The following EFNA2 variants were observed in gnomAD, a reference collection of about 807,000 sequenced individuals.
EFNA2 encodes ephrin-A2.
Under a neutral mutation model 19.7 loss-of-function variants are expected in EFNA2, and 18 were observed. That is an observed-to-expected ratio of 0.91 (90% confidence interval 0.63 to 1.35). The LOEUF is 1.35. EFNA2 is among the 40% of genes most tolerant of loss of function. The probability of loss-of-function intolerance (pLI) is 0.00; values close to 1 mark genes in which losing one functional copy is unlikely to be tolerated. For synonymous variants in EFNA2, 187 were observed against 137.8 expected (o/e 1.36, Z -2.50); for missense variants, 303 against 296.0 (o/e 1.02, Z -0.17).
rs1311081189 is a variant in EFNA2 at position 1,295,117 on chromosome 19, G to A, written c.141-428G>A. On this transcript the variant is annotated intron_variant, in intron 1 of 3. Coordinates refer to ENST00000215368, the MANE Select transcript of EFNA2 (RefSeq NM_001405.4). This position sits in a 1 kb window ranked among gnomAD's most constrained non-coding sequence, Gnocchi z 5.8. ...GGGCAGTGCCAGGCAAGAGATCGTG[G>A]GCTCCCAACCTTGGAAGCCCGCCGT... is the stretch of plus-strand genomic sequence containing the variant. Among the ~76,000 whole-genome samples, 1 of 152,110 alleles carries A rather than the reference G, an allele frequency of 6.6e-6. No individual in the cohort carries two copies. Among genetic ancestry groups the A allele is most frequent in the African/African-American group, 2.4e-5 (1 of 41,428 alleles).
chr19:1,288,241 C>T (rs192050814), intron 1 of EFNA2, among the ~76,000 whole-genome samples: 123 of 152,368 alleles, frequency 8.1e-4, no homozygotes, highest in African/African-American at 2.0e-3. Flanking sequence ...AGGGCTTTGT[C>T]GCGGACATCA....
At chr19:1,284,465 G>A (rs769634452), upstream of EFNA2, among the ~76,000 whole-genome samples, 6 of 152,276 alleles carry the variant, frequency 3.9e-5, no homozygotes, top group South Asian at 4.1e-4. This position sits in a 1 kb window ranked among gnomAD's most constrained non-coding sequence, Gnocchi z 5.3. Context: ...GGACGCTAGA[G>A]CACTGGGTGG....
At chr19:1,293,489 G>C (rs2081500748) in intron 1 of EFNA2, among the ~76,000 whole-genome samples, 1 of 152,234 alleles carries the variant, frequency 6.6e-6, no homozygotes, top group Admixed American at 6.5e-5. Context: ...CCCCTTGCAC[G>C]GAGGGGAAAG....
chr19:1,290,814 G>A (rs541473217), intron 1 of EFNA2, among the ~76,000 whole-genome samples: 3 of 152,186 alleles, frequency 2.0e-5, no homozygotes, highest in Non-Finnish European at 2.9e-5. Context: ...CCAGACACGC[G>A]GCTGGAGCCT....
Position 1,295,525 on chromosome 19 carries a change from T to C in EFNA2, c.141-20T>C, listed in dbSNP as rs888822224. 20 of 1,554,586 alleles carry C rather than the reference T, an allele frequency of 1.3e-5. No homozygotes were observed. The highest frequency in any genetic ancestry group is 3.4e-4 in the Middle Eastern group (2 of 5,918). On this transcript the variant is annotated intron_variant, in intron 1 of 3. Coordinates refer to ENST00000215368, the MANE Select transcript of EFNA2 (RefSeq NM_001405.4). This position sits in a 1 kb window ranked among gnomAD's most constrained non-coding sequence, Gnocchi z 5.8. ...GTTCCTCGCTCCGGGCGCTGACCTC[T>C]GGCCGCCTTGTCCCCGCAGGTTCCA...
At chr19:1,292,454 C>T (rs958083581) in intron 1 of EFNA2, among the ~76,000 whole-genome samples, 3 of 152,222 alleles carry the variant, frequency 2.0e-5, no homozygotes, top group Admixed American at 1.3e-4. Flanking sequence ...CTGTGTAGGG[C>T]CCTGGGGAGG....
chr19:1,294,808 T>G lies in EFNA2; in HGVS notation c.141-737T>G, dbSNP rs1409394549. Among the ~76,000 whole-genome samples, 2 of 151,192 alleles carry G rather than the reference T, an allele frequency of 1.3e-5. No homozygotes were observed. The highest frequency in any genetic ancestry group is 6.6e-5 in the Admixed American group (1 of 15,214). ...CCAGAGCGAGCTGGAATGCCCGACC[T>G]GTGTCCCCCACGCTGCCCCGGTCCT... On this transcript the variant is annotated intron_variant, in intron 1 of 3. Transcript: ENST00000215368. This position sits in a 1 kb window ranked among gnomAD's most constrained non-coding sequence, Gnocchi z 5.8.
rs1262797534 is a variant in EFNA2, at chr19:1,286,787, C to T, written c.140+479C>T. Among the ~76,000 whole-genome samples the T allele has an allele frequency of 3.9e-5, 6 of 152,322 alleles. No homozygotes were observed. The highest frequency in any genetic ancestry group is 8.8e-5 in the Non-Finnish European group (6 of 68,004). On this transcript the variant is annotated intron_variant, in intron 1 of 3. Transcript: ENST00000215368. This position sits in a 1 kb window ranked among gnomAD's most constrained non-coding sequence, Gnocchi z 5.6. The stretch of plus-strand genomic sequence containing the variant: ...CTGGGTTCGTCCTGCCCGCAGGTCC[C>T]CAGATGAACTTGGGGAAGTTGGAGT...
At chr19:1,293,441 C>T (rs1028760871) in intron 1 of EFNA2, among the ~76,000 whole-genome samples, 2 of 152,146 alleles carry the variant, frequency 1.3e-5, no homozygotes, top group East Asian at 1.9e-4. Flanking sequence ...CGTGTCTGTG[C>T]GGACGCACCC....
At chr19:1,292,344 C>A (rs1040155314) in intron 1 of EFNA2, among the ~76,000 whole-genome samples, 1 of 152,260 alleles carries the variant, frequency 6.6e-6, no homozygotes, top group African/African-American at 2.4e-5. Context: ...CCCTCCAACA[C>A]ACACACCTGT....
At chr19:1,288,956 C>T (rs1362317444) in intron 1 of EFNA2, among the ~76,000 whole-genome samples, 1 of 152,166 alleles carries the variant, frequency 6.6e-6, no homozygotes, top group African/African-American at 2.4e-5. Flanking sequence ...TGGCCGGCTG[C>T]CCTCACCTGT....
chr19:1,300,616 G>T lies in EFNA2; in HGVS notation c.*671G>T, dbSNP rs1255783932. On this transcript the variant is annotated 3_prime_UTR_variant, in exon 4 of 4. Coordinates refer to ENST00000215368, the MANE Select transcript of EFNA2 (RefSeq NM_001405.4). ...CGGACCCCCCTGGTGCTCCAGGTTGGGTGAGTCTGAGCCGGAAGGGGTACG... is the reference window on the plus strand; with the variant it reads ...CGGACCCCCCTGGTGCTCCAGGTTGTGTGAGTCTGAGCCGGAAGGGGTACG... 6.6e-6 allele frequency among the ~76,000 whole-genome samples: 1 copy of T among 152,084 alleles called. No homozygotes were observed. Among genetic ancestry groups the T allele is most frequent in the Non-Finnish European group, 1.5e-5 (1 of 68,010 alleles).
Position 1,286,205 on chromosome 19 carries a change from C to T in EFNA2, c.37C>T (p.Leu13Phe). 1.8e-6 allele frequency: 2 copies of T among 1,095,116 alleles called. No individual in the cohort carries two copies. Among genetic ancestry groups the T allele is most frequent in the South Asian group, 2.2e-5 (1 of 45,302 alleles). The allele number at this position is 1,095,116 out of a possible 1,614,324, so 67.8% of individuals were successfully genotyped here. A position where few individuals can be genotyped will look rare whatever the true frequency, so the allele number is the denominator to read the frequency against. The change falls in exon 1 of 4, where the codon CTC becomes TTC. Residue 13 changes from leucine to phenylalanine, a missense_variant. Coordinates refer to ENST00000215368, the MANE Select transcript of EFNA2 (RefSeq NM_001405.4). The surrounding 1 kb of genome is among the most constrained non-coding windows in gnomAD (Gnocchi z 5.6). ...PAQRPLLPLL[L>F]LLLPLPPPPF... ...GCAGCGCCCGCTGCTCCCGCTGCTGCTCCTGCTGTTACCGCTGCCGCCGCC... is the reference window on the plus strand; with the variant it reads ...GCAGCGCCCGCTGCTCCCGCTGCTGTTCCTGCTGTTACCGCTGCCGCCGCC...
chr19:1,289,587 C>T (rs1341507796), intron 1 of EFNA2, among the ~76,000 whole-genome samples: 1 of 152,242 alleles, frequency 6.6e-6, no homozygotes, highest in East Asian at 1.9e-4. Context: ...TCCCCACCTT[C>T]TGATTGGAAA....
chr19:1,288,122 C>T (rs1280303289), intron 1 of EFNA2, among the ~76,000 whole-genome samples: 2 of 152,256 alleles, frequency 1.3e-5, no homozygotes, highest in Admixed American at 6.5e-5. Flanking sequence ...CCTCCTCCTT[C>T]CTCTCCTGCC....
Position 1,285,955 on chromosome 19 carries a change from C to A in EFNA2, c.-214C>A, listed in dbSNP as rs1228771039. ...GCGCGGCCGGGTCCTGCGCCCGGGG[C>A]GACCCCGGCGCCCCGCCCCGCCGCC... On this transcript the variant is annotated 5_prime_UTR_variant, in exon 1 of 4. Transcript: ENST00000215368. The surrounding 1 kb of genome is among the most constrained non-coding windows in gnomAD (Gnocchi z 4.1). 6.9e-6 allele frequency among the ~76,000 whole-genome samples: 1 copy of A among 144,702 alleles called. No homozygotes were observed. The highest frequency in any genetic ancestry group is 1.5e-5 in the Non-Finnish European group (1 of 65,274). 94.9% of individuals were successfully genotyped at this position (144,702 alleles called of 152,430 possible).
At position 1,295,470 on chromosome 19, in the gene EFNA2, G is replaced by T. The variant is rs2081509553; in HGVS notation, c.141-75G>T. 5.0e-6 allele frequency: 7 copies of T among 1,396,264 alleles called. No homozygotes were observed. The highest frequency in any genetic ancestry group is 5.6e-6 in the Non-Finnish European group (6 of 1,065,542). 86.5% of individuals were successfully genotyped at this position (1,396,264 alleles called of 1,614,324 possible). On this transcript the variant is annotated intron_variant, in intron 1 of 3. Coordinates refer to ENST00000215368, the MANE Select transcript of EFNA2 (RefSeq NM_001405.4). The surrounding 1 kb of genome is among the most constrained non-coding windows in gnomAD (Gnocchi z 5.8). ...CTCGTGCTCCTGTCCCCTGACCCTG[G>T]CCCTCCCCGCGCACCCCGACCCGTG...
upstream of EFNA2, among the ~76,000 whole-genome samples, chr19:1,284,438 G>A (rs1046893485): frequency 6.6e-6 from 1 of 152,260 alleles, no homozygotes; most frequent in Non-Finnish European, 1.5e-5. The surrounding 1 kb of genome is among the most constrained non-coding windows in gnomAD (Gnocchi z 5.3). Flanking sequence ...AGAGAACTGA[G>A]AACCTTGTCC....
At chr19:1,292,318 G>T (rs2081495527) in intron 1 of EFNA2, among the ~76,000 whole-genome samples, 1 of 152,242 alleles carries the variant, frequency 6.6e-6, no homozygotes, top group African/African-American at 2.4e-5. Flanking sequence ...GGGGGTGGGG[G>T]TTCCCCTGGG....
Sources: allele counts gnomAD v4.1 joint callset (sites outside exome capture counted in the v4.1 genomes callset), GRCh38; gene constraint gnomAD v4.1.1; non-coding constraint Gnocchi (gnomAD v3.1); transcripts MANE v1.5; gene names NCBI Gene and HGNC (gene_info 2026-07-23, HGNC 2026-07-21).